The following C1QTNF5 variants were observed in gnomAD, a reference collection of about 807,000 sequenced individuals.
C1QTNF5 encodes the protein complement C1q tumor necrosis factor-related protein 5.
C1QTNF5 carries 5 observed loss-of-function variants against 10.9 expected under a neutral mutation model. The observed-to-expected ratio is 0.46, with a 90% CI of 0.24 to 0.97. C1QTNF5 has a LOEUF of 0.97. Among genes scored for constraint, C1QTNF5 ranks in the 50% least tolerant of loss-of-function variants. The pLI, the probability that C1QTNF5 is intolerant of heterozygous loss-of-function variation, is 0.19. For synonymous variants in C1QTNF5, 161 were observed against 156.5 expected, an observed-to-expected ratio of 1.03 and a Z score of -0.22; for missense variants, 281 against 339.4, an observed-to-expected ratio of 0.83 and a Z score of 1.35.
At chr11:119,344,303 C>T (rs2135371370), upstream of C1QTNF5, 1 of 1,613,288 alleles carries the variant, frequency 6.2e-7, no homozygotes, top group East Asian at 2.2e-5. Flanking sequence ...CTGCATGGAG[C>T]ACTGTGCTTA....
At chr11:119,344,874 C>A (rs778144527), upstream of C1QTNF5, 2 of 1,613,200 alleles carry the variant, frequency 1.2e-6, no homozygotes, top group Non-Finnish European at 1.7e-6. Flanking sequence ...ACACACTCAC[C>A]GCGCCCAGGG....
intron 2 of C1QTNF5, 23 bp downstream of exon 2, chr11:119,340,155 CACCGAT>C (rs1366009481): frequency 1.3e-6 from 2 of 1,506,982 alleles, no homozygotes; most frequent in African/African-American, 2.9e-5. Context: ...CGGACATCGC[CACCGAT>C]AGCCGCGGCG....
chr11:119,339,782 G>A lies in C1QTNF5; in HGVS notation c.281C>T (p.Pro94Leu), dbSNP rs1439540548. Residue 94 changes from proline to leucine, a missense_variant, in exon 3 of 3, where the codon CCT becomes CTT. Pro to Leu is a moderately conservative substitution (Grantham distance 98). Coordinates refer to ENST00000528368, the MANE Select transcript of C1QTNF5 (RefSeq NM_001278431.2). This position sits in a 1 kb window ranked among gnomAD's most constrained non-coding sequence, Gnocchi z 5.4. ...CGGAGGCACCGAGCACTCCCCGGCA[G>A]GCCCGGTGGGCCCCGCGGGTCCCGC... ...GEAGPAGPTG[P>L]AGECSVPPRS... 1 of 1,521,154 alleles carries A rather than the reference G, an allele frequency of 6.6e-7. No individual in the cohort carries two copies. 94.2% of individuals were successfully genotyped at this position (1,521,154 alleles called of 1,614,324 possible).
upstream of C1QTNF5, chr11:119,345,897 G>A (rs530322096): frequency 5.0e-6 from 8 of 1,613,696 alleles, no homozygotes; most frequent in Admixed American, 1.0e-4. Context: ...GTGGGCTATG[G>A]GACGCCCCAG....
At chr11:119,341,648 T>C (rs1950503638), upstream of C1QTNF5, 2 of 1,612,980 alleles carry the variant, frequency 1.2e-6, no homozygotes, top group Non-Finnish European at 1.7e-6. Flanking sequence ...CTGGCACTGG[T>C]GCTCCGCTTC....
In C1QTNF5 at chr11:119,340,684, G is replaced by A; in HGVS notation, c.-44+11C>T. Reference sequence around the variant, plus strand: ...CTCCCCAGCCCCTTTCCCCTCCTCCGCCAGACTCACCCCCCCTCCCGGCTC... The same window carrying A: ...CTCCCCAGCCCCTTTCCCCTCCTCCACCAGACTCACCCCCCCTCCCGGCTC... On this transcript the variant is annotated intron_variant, in intron 1 of 2. Coordinates refer to ENST00000528368, the MANE Select transcript of C1QTNF5 (RefSeq NM_001278431.2). The A allele has an allele frequency of 2.6e-6, 1 of 389,178 alleles. No homozygotes were observed. The allele number at this position is 389,178 out of a possible 1,614,324, so 24.1% of individuals were successfully genotyped here.
At chr11:119,341,654 G>C (rs377691108), upstream of C1QTNF5, 1 of 1,613,000 alleles carries the variant, frequency 6.2e-7, no homozygotes. Context: ...CTGGTGCTCC[G>C]CTTCCTGGCA....
At chr11:119,344,867 C>G, upstream of C1QTNF5, 1 of 1,613,274 alleles carries the variant, frequency 6.2e-7, no homozygotes, top group Non-Finnish European at 8.5e-7. Context: ...GGTGGGAACA[C>G]ACTCACCGCG....
upstream of C1QTNF5, chr11:119,344,982 G>A (rs767183449): frequency 5.6e-6 from 9 of 1,606,992 alleles, no homozygotes; most frequent in African/African-American, 4.0e-5. Flanking sequence ...TTGAGCGTGG[G>A]GGGAGGCACC....
chr11:119,341,516 G>A (rs761534091), upstream of C1QTNF5: 45 of 1,572,686 alleles, frequency 2.9e-5, no homozygotes, highest in South Asian at 2.7e-4. Context: ...AAAAGAGGAC[G>A]GGCAGGAAGA....
chr11:119,342,784 C>T, upstream of C1QTNF5: 1 of 1,613,068 alleles, frequency 6.2e-7, no homozygotes, highest in Non-Finnish European at 8.5e-7. Flanking sequence ...CCCAGTACCC[C>T]CAGAGTGTCC....
At chr11:119,341,217 T>C (rs1950499614), upstream of C1QTNF5, 1 of 378,460 alleles carries the variant, frequency 2.6e-6, no homozygotes, top group Non-Finnish European at 4.9e-6. Context: ...TACATTTTTG[T>C]TGAATCAAGG....
the C1QTNF5 span, chr11:119,345,962 G>A: frequency 1.2e-6 from 2 of 1,613,632 alleles, no homozygotes; most frequent in Non-Finnish European, 1.7e-6. Flanking sequence ...GGCGTTCAGA[G>A]GAGCTGGGTC....
At chr11:119,343,354 A>G (rs993287650), upstream of C1QTNF5, among the ~76,000 whole-genome samples, 4 of 152,166 alleles carry the variant, frequency 2.6e-5, no homozygotes, top group Admixed American at 1.3e-4. Flanking sequence ...TTACAAAAAA[A>G]TTAAAAAAGT....
chr11:119,339,052 G>C lies in C1QTNF5; in HGVS notation c.*279C>G, dbSNP rs921427838. Reference sequence around the variant, plus strand: ...AGGACCAGGAAGAGAGCACCCCACCGTGGGCTCCTGGACCAGAGCAACTGG... The same window carrying C: ...AGGACCAGGAAGAGAGCACCCCACCCTGGGCTCCTGGACCAGAGCAACTGG... On this transcript the variant is annotated 3_prime_UTR_variant, in exon 3 of 3. Coordinates refer to ENST00000528368, the MANE Select transcript of C1QTNF5 (RefSeq NM_001278431.2). The surrounding 1 kb of genome is among the most constrained non-coding windows in gnomAD (Gnocchi z 5.4). The C allele has an allele frequency of 2.3e-5, 9 of 397,132 alleles. No homozygotes were observed. The East Asian group carries it at 3.2e-4, about 14-fold the overall frequency. 24.6% of individuals were successfully genotyped at this position (397,132 alleles called of 1,614,324 possible).
At chr11:119,344,110 C>G, upstream of C1QTNF5, 1 of 1,165,734 alleles carries the variant, frequency 8.6e-7, no homozygotes, top group Non-Finnish European at 1.2e-6. Context: ...TTTAATTTAC[C>G]TGGTTTCAGA....
upstream of C1QTNF5, chr11:119,344,401 G>T (rs370434693): frequency 1.7e-5 from 28 of 1,612,578 alleles, no homozygotes; most frequent in African/African-American, 2.8e-4. Context: ...CCTGTAGAGA[G>T]GTGGAAGGGC....
chr11:119,345,473 A>G (rs764951846), upstream of C1QTNF5: 1 of 1,614,076 alleles, frequency 6.2e-7, no homozygotes, highest in Non-Finnish European at 8.5e-7. Flanking sequence ...CAAAAAGGCA[A>G]GAGGCCACAC....
chr11:119,344,633 C>G, upstream of C1QTNF5: 1 of 1,614,032 alleles, frequency 6.2e-7, no homozygotes, highest in Non-Finnish European at 8.5e-7. Context: ...GGCCCGTACC[C>G]GAGAACTTGG....
Sources: allele counts gnomAD v4.1 joint callset (sites outside exome capture counted in the v4.1 genomes callset), GRCh38; gene constraint gnomAD v4.1.1; non-coding constraint Gnocchi (gnomAD v3.1); transcripts MANE v1.5; gene names NCBI Gene and HGNC (gene_info 2026-07-23, HGNC 2026-07-21).